Variants in TCERG1L observed in about 807,000 individuals in gnomAD.
TCERG1L encodes transcription elongation regulator 1-like protein.
A neutral mutation model predicts 56.3 loss-of-function variants in TCERG1L; 37 were observed. The ratio of observed to expected loss-of-function variants is 0.66; its 90% CI spans 0.51 to 0.87. The LOEUF is 0.87. Among genes scored for constraint, TCERG1L ranks in the 40% least tolerant of loss-of-function variants. The probability of loss-of-function intolerance (pLI) is 0.00; values close to 1 mark genes in which losing one functional copy is unlikely to be tolerated. For missense variants in TCERG1L, 799 were observed against 774.2 expected (o/e 1.03, Z -0.38); for synonymous variants, 324 against 326.3 (o/e 0.99, Z 0.08).
chr10:131,242,099 T>G (rs1309261046), intron 4 of TCERG1L, among the ~76,000 whole-genome samples: 1 of 152,144 alleles, frequency 6.6e-6, no homozygotes, highest in Non-Finnish European at 1.5e-5. Context: ...TGGAATACTT[T>G]TATTAGGAGG....
intron 2 of TCERG1L, 90 bp from the exon 3 acceptor site, chr10:131,308,481 T>G: frequency 9.1e-7 from 1 of 1,098,820 alleles, no homozygotes; most frequent in South Asian, 1.5e-5. Context: ...TTGCCTTACG[T>G]TGATCCAACA....
intron 4 of TCERG1L, among the ~76,000 whole-genome samples, chr10:131,226,846 G>T (rs1361305530): frequency 6.6e-6 from 1 of 152,284 alleles, no homozygotes; most frequent in Non-Finnish European, 1.5e-5. Context: ...TCATGTTTGT[G>T]TAGAACTTGG....
At chr10:131,188,416 A>C (rs1845269116) in intron 4 of TCERG1L, among the ~76,000 whole-genome samples, 1 of 152,228 alleles carries the variant, frequency 6.6e-6, no homozygotes, top group Non-Finnish European at 1.5e-5. Flanking sequence ...CCACACTGGA[A>C]CTGTATAGAC....
At chr10:131,184,582 C>T (rs977970847) in intron 4 of TCERG1L, among the ~76,000 whole-genome samples, 1 of 152,258 alleles carries the variant, frequency 6.6e-6, no homozygotes, top group African/African-American at 2.4e-5. Context: ...TAGTTGGCTC[C>T]TGGCACATCC....
intron 3 of TCERG1L, among the ~76,000 whole-genome samples, chr10:131,295,749 C>T (rs531281977): frequency 1.3e-5 from 2 of 151,792 alleles, no homozygotes; most frequent in South Asian, 4.2e-4. Context: ...TTCCAATAAC[C>T]CTCCTTCTAG....
chr10:131,254,090 G>T (rs1363428833), intron 4 of TCERG1L, among the ~76,000 whole-genome samples: 1 of 152,168 alleles, frequency 6.6e-6, no homozygotes, highest in Non-Finnish European at 1.5e-5. Flanking sequence ...ACACCAGGGG[G>T]TGGAGGAGAG....
intron 4 of TCERG1L, among the ~76,000 whole-genome samples, chr10:131,241,118 A>G (rs1845966765): frequency 6.6e-6 from 1 of 152,206 alleles, no homozygotes; most frequent in African/African-American, 2.4e-5. Context: ...GGCACCGCAC[A>G]GAAATGGTGA....
intron 7 of TCERG1L, among the ~76,000 whole-genome samples, chr10:131,146,042 C>G (rs962959817): frequency 1.3e-5 from 2 of 152,298 alleles, no homozygotes; most frequent in South Asian, 2.1e-4. Context: ...TTCCCCTGTC[C>G]GTGACCAGGG....
chr10:131,270,737 A>C (rs879480595), intron 3 of TCERG1L, among the ~76,000 whole-genome samples: 1 of 152,106 alleles, frequency 6.6e-6, no homozygotes, highest in Non-Finnish European at 1.5e-5. Context: ...CACTTCCTTT[A>C]ATATCCACAT....
At chr10:131,272,288 G>A (rs753540396) in intron 3 of TCERG1L, among the ~76,000 whole-genome samples, 1 of 152,202 alleles carries the variant, frequency 6.6e-6, no homozygotes, top group Non-Finnish European at 1.5e-5. Flanking sequence ...TGACTGAGGC[G>A]CCCTGCAGAT....
At chr10:131,291,035 T>C (rs2133573188) in intron 3 of TCERG1L, among the ~76,000 whole-genome samples, 1 of 152,366 alleles carries the variant, frequency 6.6e-6, no homozygotes, top group Middle Eastern at 3.4e-3. Flanking sequence ...CAATGTGTTC[T>C]GATATCTGTG....
intron 4 of TCERG1L, among the ~76,000 whole-genome samples, chr10:131,220,580 G>A (rs975741628): frequency 3.3e-5 from 5 of 151,072 alleles, no homozygotes; most frequent in Middle Eastern, 3.4e-3. Flanking sequence ...GGAGGAAGGG[G>A]CATGGAGACC....
In TCERG1L at chr10:131,279,558, C is replaced by G. The variant is rs574502726; in HGVS notation, c.671-19114G>C. Among the ~76,000 whole-genome samples the G allele has an allele frequency of 1.8e-4, 28 of 152,318 alleles. No individual in the cohort carries two copies. The South Asian group carries it at 1.9e-3, about 10-fold the overall frequency. The stretch of plus-strand genomic sequence containing the variant: ...CTGGAAACAGTGACATCTGGCGAGA[C>G]AAGCTCCTGTCCCACCATCCAAGGC... On this transcript the variant is annotated intron_variant, in intron 3 of 11. Coordinates refer to ENST00000368642, the MANE Select transcript of TCERG1L (RefSeq NM_174937.4).
chr10:131,184,612 G>T (rs35528430), intron 4 of TCERG1L, among the ~76,000 whole-genome samples: 1 of 152,230 alleles, frequency 6.6e-6, no homozygotes, highest in African/African-American at 2.4e-5. Flanking sequence ...TAGAAAATGC[G>T]TCTCCAGCAG....
At chr10:131,287,668 G>A (rs978235521) in intron 3 of TCERG1L, among the ~76,000 whole-genome samples, 3 of 152,158 alleles carry the variant, frequency 2.0e-5, no homozygotes, top group African/African-American at 7.2e-5. Context: ...TTGCCATCTA[G>A]AGCGGGCTTA....
Position 131,311,367 on chromosome 10 carries a change from A to C in TCERG1L, c.269T>G (p.Leu90Arg). 8.4e-7 allele frequency: 1 copy of C among 1,197,532 alleles called. No homozygotes were observed. The highest frequency in any genetic ancestry group is 1.0e-6 in the Non-Finnish European group (1 of 967,780). 74.2% of individuals were successfully genotyped at this position (1,197,532 alleles called of 1,614,324 possible). The change falls in exon 1 of 12, where the codon CTG becomes CGG. Residue 90 changes from leucine to arginine, a missense_variant. Coordinates refer to ENST00000368642, the MANE Select transcript of TCERG1L (RefSeq NM_174937.4). The surrounding 1 kb of genome is among the most constrained non-coding windows in gnomAD (Gnocchi z 4.0). ...GTCTGGCGCAGAGGGCAGCGGCAGC[A>C]GCGGGAGCACCGGCTCGCTCGGGGC... The part of the protein sequence containing the change: ...WPAPSEPVLP[L>R]LPLPSAPDSA...
intron 4 of TCERG1L, among the ~76,000 whole-genome samples, chr10:131,194,717 C>T (rs1204742896): frequency 6.6e-6 from 1 of 152,102 alleles, no homozygotes; most frequent in South Asian, 2.1e-4. Context: ...GGAGAAGGGG[C>T]GAGATGTGTA....
chr10:131,161,497 T>A (rs1160095365), intron 6 of TCERG1L: 1 of 152,210 alleles, frequency 6.6e-6, no homozygotes, highest in Non-Finnish European at 1.5e-5. Flanking sequence ...GAAGAAAGCA[T>A]CTTGTTATTC....
At chr10:131,167,407 C>G (rs1846043023) in intron 4 of TCERG1L, among the ~76,000 whole-genome samples, 1 of 152,252 alleles carries the variant, frequency 6.6e-6, no homozygotes, top group Non-Finnish European at 1.5e-5. Context: ...CCCCAGTGCG[C>G]TGGGCAGTCA....
Sources: gnomAD v4.1 joint callset for allele counts (sites outside exome capture counted in the v4.1 genomes callset) on GRCh38, gnomAD v4.1.1 for gene constraint, Gnocchi (gnomAD v3.1) non-coding constraint, MANE v1.5 for transcripts, NCBI Gene and HGNC (gene_info 2026-07-23, HGNC 2026-07-21) for gene names.